The following PI4KA variants were observed in gnomAD, a reference collection of about 807,000 sequenced individuals.
PI4KA encodes PI4-kinase alpha.
PI4KA carries 122 observed loss-of-function variants against 271.4 expected under a neutral mutation model. The ratio of observed to expected loss-of-function variants is 0.45; its 90% CI spans 0.39 to 0.52. The LOEUF (loss-of-function observed/expected upper bound fraction) is 0.52. PI4KA is among the 20% of genes least tolerant of loss of function. The pLI is 0.00. For missense variants in PI4KA, 1,969 were observed against 2,769.1 expected (o/e 0.71, Z 6.48); for synonymous variants, 1,041 against 1,078.8 (o/e 0.96, Z 0.69).
intron 45 of PI4KA, among the ~76,000 whole-genome samples, chr22:20,716,211 C>T (rs545771986): frequency 1.9e-3 from 286 of 152,298 alleles, no homozygotes; most frequent in Non-Finnish European, 3.5e-3. Flanking sequence ...CCACCACACC[C>T]GGCTGATTTT....
intron 26 of PI4KA, 36 bp from the exon 27 acceptor site, chr22:20,751,412 C>T (rs1241386930): frequency 6.3e-7 from 1 of 1,592,710 alleles, no homozygotes; most frequent in East Asian, 2.2e-5. Flanking sequence ...TCCAAACTGC[C>T]TTCCCCAAGT....
At chr22:20,790,919 T>G (rs1934603163) in intron 19 of PI4KA, among the ~76,000 whole-genome samples, 1 of 152,156 alleles carries the variant, frequency 6.6e-6, no homozygotes, top group South Asian at 2.1e-4. Context: ...ATTCTTCTCA[T>G]GTAAGAGGTC....
At chr22:20,753,928 C>T (rs1275556492) in intron 23 of PI4KA, among the ~76,000 whole-genome samples, 8 of 152,150 alleles carry the variant, frequency 5.3e-5, no homozygotes, top group East Asian at 1.9e-4. Flanking sequence ...CATCGTGATC[C>T]GCCCGCCTCG....
intron 1 of PI4KA, among the ~76,000 whole-genome samples, chr22:20,857,800 C>G (rs1053829152): frequency 6.6e-6 from 1 of 152,154 alleles, no homozygotes; most frequent in African/African-American, 2.4e-5. Flanking sequence ...AAATTCAGGT[C>G]CCACTCTAAA....
chr22:20,847,429 G>A (rs5760995), intron 1 of PI4KA, among the ~76,000 whole-genome samples: 7 of 152,238 alleles, frequency 4.6e-5, no homozygotes, highest in African/African-American at 1.7e-4. Context: ...AAAAATTTTA[G>A]AAATTAACCA....
chr22:20,765,488 T>C, intron 20 of PI4KA, 97 bp downstream of exon 20: 2 of 864,646 alleles, frequency 2.3e-6, no homozygotes, highest in Non-Finnish European at 3.8e-6. Context: ...TGTGGACTCA[T>C]TTAAACATGC....
intron 19 of PI4KA, chr22:20,786,132 G>A (rs774829798): frequency 3.1e-6 from 5 of 1,613,986 alleles, no homozygotes; most frequent in Non-Finnish European, 4.2e-6. Flanking sequence ...TCAGACCAAA[G>A]GATCGCCATC....
At chr22:20,716,425 A>G (rs1288217030) in intron 45 of PI4KA, among the ~76,000 whole-genome samples, 1 of 152,152 alleles carries the variant, frequency 6.6e-6, no homozygotes, top group Admixed American at 6.5e-5. Context: ...GTTTCTGGCC[A>G]AGGAACTGCC....
chr22:20,803,059 G>T, intron 13 of PI4KA, 132 bp downstream of exon 13: 1 of 902,662 alleles, frequency 1.1e-6, no homozygotes, highest in Non-Finnish European at 1.8e-6. Context: ...TGGAGGGGAC[G>T]CAAAGGGAAA....
chr22:20,720,094 T>C (rs566793472), intron 43 of PI4KA, among the ~76,000 whole-genome samples: 30 of 151,482 alleles, frequency 2.0e-4, no homozygotes, highest in African/African-American at 2.4e-5. Context: ...ATATGATTTT[T>C]CCACACTGTA....
chr22:20,784,094 C>A (rs768455476), intron 19 of PI4KA: 3 of 1,614,102 alleles, frequency 1.9e-6, no homozygotes, highest in Non-Finnish European at 2.5e-6. Context: ...AGCAAATGAC[C>A]AGGAGCTGGA....
chr22:20,770,553 T>C (rs549234578), intron 19 of PI4KA, among the ~76,000 whole-genome samples: 3 of 139,194 alleles, frequency 2.2e-5, no homozygotes, highest in East Asian at 4.2e-4. Context: ...GAGATCGGTT[T>C]TGCTATGTTG....
intron 19 of PI4KA, chr22:20,785,972 A>G (rs2147515766): frequency 6.2e-7 from 1 of 1,614,164 alleles, no homozygotes; most frequent in Non-Finnish European, 8.5e-7. Context: ...GTGGTTCAAT[A>G]AAACTGGGCC....
intron 3 of PI4KA, among the ~76,000 whole-genome samples, chr22:20,827,862 G>A (rs1290296600): frequency 6.6e-6 from 1 of 151,964 alleles, no homozygotes; most frequent in East Asian, 1.9e-4. Flanking sequence ...TGGCACAATC[G>A]CGGCTCACTG....
At position 20,779,526 on chromosome 22, in the gene PI4KA, G is replaced by C. The variant is rs765822510; in HGVS notation, c.2328+13667C>G. The C allele has an allele frequency of 1.2e-6, 2 of 1,613,984 alleles. No individual in the cohort carries two copies. The highest frequency in any genetic ancestry group is 1.7e-6 in the Non-Finnish European group (2 of 1,179,806). On this transcript the variant is annotated intron_variant, in intron 19 of 54. Transcript: ENST00000255882. ...CACCGTCACCAACGACTGGATTCCA[G>C]AGGGGGAGGAGGACGACGACTATCT...
rs1460046498 is a variant in PI4KA at position 20,801,992 on chromosome 22, C to T, written c.1705G>A (p.Ala569Thr). The T allele has an allele frequency of 2.5e-6, 4 of 1,614,082 alleles. No homozygotes were observed. The highest frequency in any genetic ancestry group is 8.5e-7 in the Non-Finnish European group (1 of 1,179,988). The change falls in exon 14 of 55, where the codon GCT becomes ACT. Residue 569 changes from alanine to threonine, a missense_variant. This residue lies in a region of PI4KA where 228 missense variants were observed against 261.6 expected (regional missense o/e 0.87). Transcript: ENST00000255882. ...PSMYEQLRDI[A>T]IDNICRCLKA... ...TCCCACCTGCAGATGTTGTCAATAG[C>T]GATGTCTCGGAGCTGCTCGTACATG... is the stretch of plus-strand genomic sequence containing the variant.
rs542248358 is a variant in PI4KA at position 20,732,245 on chromosome 22, T to G, written c.4288+726A>C. Among the ~76,000 whole-genome samples the G allele has an allele frequency of 2.1e-4, 32 of 152,094 alleles. No homozygotes were observed. In the South Asian group the frequency reaches 6.7e-3, roughly 32 times the overall value. On this transcript the variant is annotated intron_variant, in intron 36 of 54. Coordinates refer to ENST00000255882, the MANE Select transcript of PI4KA (RefSeq NM_058004.4). ...AAATTAAAAAATTAGCCAGGCATGG[T>G]GGTGAGCACCTGTAGTTCCAGCTAC... is the stretch of plus-strand genomic sequence containing the variant.
chr22:20,729,234 A>ACTCATGAC, intron 39 of PI4KA, 79 bp downstream of exon 39: 1 of 1,260,754 alleles, frequency 7.9e-7, no homozygotes, highest in South Asian at 1.4e-5. Flanking sequence ...ACTCCTGAGA[A>ACTCATGAC]CTCATGACCC....
intron 17 of PI4KA, among the ~76,000 whole-genome samples, chr22:20,797,543 C>T (rs1309203860): frequency 3.3e-5 from 5 of 152,210 alleles, no homozygotes; most frequent in African/African-American, 9.6e-5. Flanking sequence ...CCAATCCAGT[C>T]TTCAGGCTGT....
Sources: allele counts gnomAD v4.1 joint callset (sites outside exome capture counted in the v4.1 genomes callset), GRCh38; gene constraint gnomAD v4.1.1; regional missense constraint gnomAD v4.1.1; transcripts MANE v1.5; gene names NCBI Gene and HGNC (gene_info 2026-07-23, HGNC 2026-07-21).